Variants in GPR158 observed in about 807,000 individuals in gnomAD.
GPR158 encodes G protein-coupled receptor 158, also known as metabotropic glycine receptor.
A neutral mutation model predicts 78.2 loss-of-function variants in GPR158; 30 were observed. That is an observed-to-expected ratio of 0.38 (90% confidence interval 0.29 to 0.52). The LOEUF is 0.52. Ranked by LOEUF, GPR158 falls within the 20% of genes least tolerant of loss-of-function variation. GPR158 has a pLI of 0.83. For synonymous variants in GPR158, 581 were observed against 591.1 expected (o/e 0.98, Z 0.25); for missense variants, 1,463 against 1,523.5 (o/e 0.96, Z 0.66).
At chr10:25,445,464 C>G (rs1252113637) in intron 4 of GPR158, among the ~76,000 whole-genome samples, 1 of 152,064 alleles carries the variant, frequency 6.6e-6, no homozygotes, top group East Asian at 1.9e-4. Flanking sequence ...AAAATTTGGA[C>G]TTATGTATAG....
intron 2 of GPR158, among the ~76,000 whole-genome samples, chr10:25,362,335 C>T: frequency 6.6e-6 from 1 of 151,830 alleles, no homozygotes; most frequent in East Asian, 1.9e-4. Flanking sequence ...TATGTCAGTA[C>T]TACACTGGTT....
At chr10:25,209,822 A>G (rs1853103362) in intron 1 of GPR158, among the ~76,000 whole-genome samples, 1 of 152,208 alleles carries the variant, frequency 6.6e-6, no homozygotes, top group African/African-American at 2.4e-5. Context: ...GCCACCAAGT[A>G]CTTTGGTACT....
chr10:25,369,613 A>G (rs1373407487), intron 2 of GPR158, among the ~76,000 whole-genome samples: 2 of 151,680 alleles, frequency 1.3e-5, no homozygotes, highest in Admixed American at 1.3e-4. Context: ...CATCAAGGAT[A>G]TTGGTCTAAA....
intron 2 of GPR158, among the ~76,000 whole-genome samples, chr10:25,371,944 C>T (rs11591958): frequency 8.5e-4 from 127 of 149,226 alleles, no homozygotes; most frequent in African/African-American, 2.9e-3. Flanking sequence ...AGAAAATTTT[C>T]GCAACCTACT....
chr10:25,186,011 T>A (rs1213708902), intron 1 of GPR158, among the ~76,000 whole-genome samples: 3 of 152,148 alleles, frequency 2.0e-5, no homozygotes, highest in Admixed American at 1.3e-4. Flanking sequence ...CCAGAAATTA[T>A]AACAAAGTGT....
intron 4 of GPR158, among the ~76,000 whole-genome samples, chr10:25,418,592 T>C (rs1029583041): frequency 1.3e-5 from 2 of 151,012 alleles, no homozygotes; most frequent in African/African-American, 4.9e-5. Flanking sequence ...TATTCTACAT[T>C]TTTTACTAAA....
chr10:25,478,749 C>T (rs1175189602), intron 5 of GPR158, among the ~76,000 whole-genome samples: 1 of 151,240 alleles, frequency 6.6e-6, no homozygotes, highest in Non-Finnish European at 1.5e-5. Context: ...CACCCATTAA[C>T]TCGTCATTTA....
intron 2 of GPR158, among the ~76,000 whole-genome samples, chr10:25,225,053 A>G (rs997928029): frequency 6.6e-6 from 1 of 152,128 alleles, no homozygotes; most frequent in African/African-American, 2.4e-5. Context: ...AGACTTTCTC[A>G]TGGATTGTTA....
intron 4 of GPR158, among the ~76,000 whole-genome samples, chr10:25,456,248 T>G (rs1835289932): frequency 6.6e-6 from 1 of 152,244 alleles, no homozygotes; most frequent in South Asian, 2.1e-4. Context: ...TTTGTATCCT[T>G]GTAAATGTCT....
At chr10:25,274,158 C>T (rs1050122144) in intron 2 of GPR158, among the ~76,000 whole-genome samples, 2 of 152,174 alleles carry the variant, frequency 1.3e-5, no homozygotes, top group African/African-American at 4.8e-5. Context: ...TTTATTTACA[C>T]AACACCAAAG....
intron 2 of GPR158, among the ~76,000 whole-genome samples, chr10:25,224,017 C>T (rs1373310851): frequency 6.6e-6 from 1 of 152,058 alleles, no homozygotes; most frequent in Non-Finnish European, 1.5e-5. Flanking sequence ...GAACCAATGA[C>T]AAAAGCCTCA....
At chr10:25,579,167 TA>T (rs1357186259) in intron 7 of GPR158, among the ~76,000 whole-genome samples, 1 of 151,658 alleles carries the variant, frequency 6.6e-6, no homozygotes, top group African/African-American at 2.4e-5. Flanking sequence ...TTTTTTTTTC[TA>T]AATCCTCCTA....
At chr10:25,223,063 TAAAC>T (rs1853322302) in intron 2 of GPR158, among the ~76,000 whole-genome samples, 1 of 152,214 alleles carries the variant, frequency 6.6e-6, no homozygotes, top group Non-Finnish European at 1.5e-5. Context: ...AGCTTTGAAA[TAAAC>T]TAGGTTATTT....
intron 4 of GPR158, among the ~76,000 whole-genome samples, chr10:25,459,834 TA>T (rs138640931): frequency 0.039 from 5,878 of 152,322 alleles, 201 homozygotes; most frequent in South Asian, 0.13. Flanking sequence ...TAATTTGACA[TA>T]TTTTTTTGTC....
At chr10:25,478,820 G>A (rs149155039) in intron 5 of GPR158, among the ~76,000 whole-genome samples, 4,061 of 88,944 alleles carry the variant, frequency 0.046, 108 homozygotes, top group African/African-American at 0.1. Context: ...ACAGGCCCCC[G>A]GTGTGTGATG....
At chr10:25,222,849 C>T (rs149617856) in intron 2 of GPR158, among the ~76,000 whole-genome samples, 178 of 152,256 alleles carry the variant, frequency 1.2e-3, no homozygotes, top group African/African-American at 4.1e-3. Flanking sequence ...AAGCAGTCTG[C>T]CTAGAAACAA....
At chr10:25,322,995 C>T (rs531566679) in intron 2 of GPR158, among the ~76,000 whole-genome samples, 11 of 152,078 alleles carry the variant, frequency 7.2e-5, no homozygotes, top group African/African-American at 1.2e-4. Context: ...TACAGATGCC[C>T]GCCACCATGC....
intron 2 of GPR158, among the ~76,000 whole-genome samples, chr10:25,367,558 C>T (rs955552701): frequency 1.3e-5 from 2 of 151,732 alleles, no homozygotes; most frequent in Admixed American, 1.3e-4. Context: ...TAGATGAATT[C>T]TGACAAATGG....
At chr10:25,261,469 AT>A (rs1443634615) in intron 2 of GPR158, among the ~76,000 whole-genome samples, 1 of 151,904 alleles carries the variant, frequency 6.6e-6, no homozygotes, top group African/African-American at 2.4e-5. Context: ...CTCTTTTTTT[AT>A]GTCTTTTGCA....
Sources: allele counts gnomAD v4.1 joint callset (sites outside exome capture counted in the v4.1 genomes callset), GRCh38; gene constraint gnomAD v4.1.1; transcripts MANE v1.5; gene names NCBI Gene and HGNC (gene_info 2026-07-23, HGNC 2026-07-21).